MXRA5: variants seen among roughly 807,000 people sequenced by gnomAD.
MXRA5 encodes the protein matrix-remodeling-associated protein 5.
A neutral mutation model predicts 112.5 loss-of-function variants in MXRA5; 41 were observed. That is an observed-to-expected ratio of 0.36 (90% confidence interval 0.28 to 0.47). The LOEUF (loss-of-function observed/expected upper bound fraction) is 0.47, where lower values mean the gene tolerates loss of function less well. MXRA5 is among the 20% of genes least tolerant of loss of function. The pLI is 0.99. For missense variants in MXRA5, 2,150 were observed against 2,251.0 expected, an observed-to-expected ratio of 0.96 and a Z score of 0.91; for synonymous variants, 862 against 900.8, an observed-to-expected ratio of 0.96 and a Z score of 0.77.
At chrX:3,336,427 C>A (rs1388995199) in intron 2 of MXRA5, among the ~76,000 whole-genome samples, 1 of 111,794 alleles carries the variant, frequency 8.9e-6, no homozygotes, top group African/African-American at 3.3e-5. Context: ...TCCCTGGTGC[C>A]AAAAAGGCTG....
chrX:3,313,057 G>A (rs1397272792), intron 6 of MXRA5, among the ~76,000 whole-genome samples: 1 of 111,850 alleles, frequency 8.9e-6, no homozygotes, highest in Non-Finnish European at 1.9e-5. Context: ...AACAGGTGTG[G>A]GACAGGCAAG....
chrX:3,325,847 A>AATAATTTATAATTATAATTTATAATT (rs1555945442), intron 4 of MXRA5, among the ~76,000 whole-genome samples: 1 of 58,938 alleles, frequency 1.7e-5, no homozygotes, highest in Non-Finnish European at 3.0e-5. Flanking sequence ...TTTATTCATA[A>AATAATTTATAATTATAATTTATAATT]ATAATTTATA....
chrX:3,330,633 C>T lies in MXRA5; in HGVS notation c.318+11G>A, dbSNP rs755505780. On this transcript the variant is annotated intron_variant, in intron 3 of 6. Transcript: ENST00000217939. ...GCAATTTAGTGACGCTTATAAATGC[C>T]GTGGGTTTACCTGAAGAGAGCTGAG... 32 of 1,201,553 alleles carry T rather than the reference C, an allele frequency of 2.7e-5. No homozygotes were observed. Among genetic ancestry groups the T allele is most frequent in the South Asian group, 9.1e-5 (5 of 54,864 alleles).
intron 4 of MXRA5, among the ~76,000 whole-genome samples, chrX:3,326,032 T>TAG (rs1377613619): frequency 0.023 from 1,750 of 76,042 alleles, 106 homozygotes; most frequent in African/African-American, 0.094. Context: ...ATTTTATATA[T>TAG]AAATTTATAT....
chrX:3,317,174 G>T lies in MXRA5; in HGVS notation c.6507C>A (p.Ser2169Arg). ...RYGGTLKLDCSASGDPWPRIL... is the reference protein window; with the variant it reads ...RYGGTLKLDCRASGDPWPRIL... ...TGCGCGGCCAGGGGTCCCCCGAGGC[G>T]CTGCAGTCCAGCTTGAGGGTTCCTC... Residue 2169 changes from serine (S) to arginine (R), a missense_variant, in exon 6 of 7, where the codon AGC becomes AGA. Physicochemically the swap from Ser to Arg is moderately radical, Grantham distance 110. This residue lies in a region of MXRA5 where 1,485 missense variants were observed against 1,471.6 expected (regional missense o/e 1.01). Transcript: ENST00000217939. 8.3e-7 allele frequency: 1 copy of T among 1,207,791 alleles called. No individual in the cohort carries two copies.
In MXRA5 at chrX:3,310,098, G is replaced by A. The variant is rs1479606190; in HGVS notation, c.8105C>T (p.Ser2702Leu). 4 of 1,209,349 alleles carry A rather than the reference G, an allele frequency of 3.3e-6. No individual in the cohort carries two copies. Among genetic ancestry groups the A allele is most frequent in the East Asian group, 3.0e-5 (1 of 33,713 alleles). The change falls in exon 7 of 7, where the codon TCG becomes TTG. Residue 2702 changes from serine to leucine, a missense_variant. This residue lies in a region of MXRA5 where 178 missense variants were observed against 198.2 expected (regional missense o/e 0.90). Transcript: ENST00000217939. ...DNGTLTVREASVFDRGTYVCR... is the reference protein window; with the variant it reads ...DNGTLTVREALVFDRGTYVCR... Reference sequence around the variant, plus strand: ...TACATAGGTACCCCTGTCAAACACCGAGGCCTCACGAACCGTGAGGGTGCC... The same window carrying A: ...TACATAGGTACCCCTGTCAAACACCAAGGCCTCACGAACCGTGAGGGTGCC...
At chrX:3,333,302 C>CAAAAAAAAAAAAAAA (rs386416494) in intron 2 of MXRA5, among the ~76,000 whole-genome samples, 13 of 14,812 alleles carry the variant, frequency 8.8e-4, no homozygotes, top group Non-Finnish European at 1.0e-3. Context: ...TACCCCATAT[C>CAAAAAAAAAAAAAAA]AAAAAAAAAA....
chrX:3,319,938 G>A, intron 5 of MXRA5, 70 bp downstream of exon 5: 1 of 814,794 alleles, frequency 1.2e-6, no homozygotes, highest in South Asian at 2.7e-5. Context: ...CTGTTTTAAT[G>A]TATTATATTG....
At position 3,324,865 on chromosome X, in the gene MXRA5, T is replaced by C. The variant is rs111869163; in HGVS notation, c.820A>G (p.Thr274Ala). Residue 274 changes from threonine (T) to alanine (A), a missense_variant, in exon 5 of 7, where the codon ACT (threonine) becomes GCT (alanine). Thr to Ala is a moderately conservative substitution (Grantham distance 58). Coordinates refer to ENST00000217939, the MANE Select transcript of MXRA5 (RefSeq NM_015419.4). Reference sequence around the variant, plus strand: ...GACTCTATTGAAGGCTTCAGACAAGTCATGTCCTTCAGCTTGTGTATCTCA... The same window carrying C: ...GACTCTATTGAAGGCTTCAGACAAGCCATGTCCTTCAGCTTGTGTATCTCA... ...KHEIHKLKDM[T>A]CLKPSIESPL... 3.8e-5 allele frequency: 46 copies of C among 1,210,171 alleles called. 1 individual carries two copies. The African/African-American group carries it at 4.2e-4, about 11-fold the overall frequency.
intron 6 of MXRA5, among the ~76,000 whole-genome samples, chrX:3,312,560 C>CT (rs773869772): frequency 0.099 from 9,020 of 91,008 alleles, 1,208 homozygotes; most frequent in African/African-American, 0.33. Context: ...ACCACACTTT[C>CT]TTTTTTTTTT....
intron 1 of MXRA5, 108 bp downstream of exon 1, chrX:3,346,407 C>T: frequency 2.3e-6 from 1 of 440,429 alleles, no homozygotes; most frequent in Non-Finnish European, 2.8e-6. Flanking sequence ...AATCTGCCTG[C>T]ATGCAGGCCC....
rs748527019 is a variant in MXRA5 at position 3,324,301 on chromosome X, T to A, written c.1384A>T (p.Thr462Ser). ...LLSYYTQYSQ[T>S]ISTKDTRQAR... ...TGCCTTGTATCTTTGGTGGATATTG[T>A]TTGAGAATACTGGGTGTAGTAGGAA... The change falls in exon 5 of 7, where the codon ACA becomes TCA. Residue 462 changes from threonine (T) to serine (S), a missense_variant. Thr to Ser is a moderately conservative substitution (Grantham distance 58). This residue lies in a region of MXRA5 where 386 missense variants were observed against 411.0 expected (regional missense o/e 0.94). Coordinates refer to ENST00000217939, the MANE Select transcript of MXRA5 (RefSeq NM_015419.4). The A allele has an allele frequency of 8.3e-7, 1 of 1,209,834 alleles. No homozygotes were observed. Among genetic ancestry groups the A allele is most frequent in the African/African-American group, 1.7e-5 (1 of 57,174 alleles).
At chrX:3,337,655 T>C (rs1414742546) in intron 2 of MXRA5, among the ~76,000 whole-genome samples, 1 of 112,103 alleles carries the variant, frequency 8.9e-6, no homozygotes, top group Non-Finnish European at 1.9e-5. Flanking sequence ...AAAACAGCAA[T>C]GTTGGCCACT....
In MXRA5 at chrX:3,323,029, C is replaced by T. The variant is rs1921354433; in HGVS notation, c.2656G>A (p.Glu886Lys). 8.3e-7 allele frequency: 1 copy of T among 1,209,780 alleles called. No individual in the cohort carries two copies. The highest frequency in any genetic ancestry group is 1.8e-5 in the African/African-American group (1 of 57,098). Reference protein sequence around the residue: ...EPEVTSTPLEEVVDDLSEKTE... With the variant: ...EPEVTSTPLEKVVDDLSEKTE... ...TTCTCGGAAAGGTCATCAACAACTTCCTCCAGAGGTGTGCTTGTTACTTCA... is the reference window on the plus strand; with the variant it reads ...TTCTCGGAAAGGTCATCAACAACTTTCTCCAGAGGTGTGCTTGTTACTTCA... Residue 886 changes from glutamate to lysine, a missense_variant, in exon 5 of 7, where the codon GAA (glutamate) becomes AAA (lysine). Glu to Lys is a moderately conservative substitution (Grantham distance 56). Around this residue, in one of 6 missense-constraint regions of MXRA5, gnomAD observed 1,485 missense variants for 1,471.6 expected, o/e 1.01. Transcript: ENST00000217939.
In MXRA5 at chrX:3,323,401, G is replaced by T; in HGVS notation, c.2284C>A (p.Arg762Ser). ...KEPETNVAEG[R>S]RVFESRRRIN... ...CTTCGTCTAGATTCAAACACTCTGC[G>T]ACCTTCTGCAACATTGGTCTCTGGT... The change falls in exon 5 of 7, where the codon CGC (arginine) becomes AGC (serine). Residue 762 changes from arginine to serine, a missense_variant. This residue lies in a region of MXRA5 where 1,485 missense variants were observed against 1,471.6 expected (regional missense o/e 1.01). Coordinates refer to ENST00000217939, the MANE Select transcript of MXRA5 (RefSeq NM_015419.4). 8.3e-7 allele frequency: 1 copy of T among 1,211,649 alleles called. No homozygotes were observed. Among genetic ancestry groups the T allele is most frequent in the Non-Finnish European group, 1.1e-6 (1 of 895,518 alleles).
Position 3,321,523 on chromosome X carries a change from G to T in MXRA5, c.4162C>A (p.Pro1388Thr), listed in dbSNP as rs530354790. ...GGTATGCCTGTCTGTAGCCTCCCAG[G>T]CTGGGCCGTCCTTGAGGGATTCCAG... is the stretch of plus-strand genomic sequence containing the variant. The part of the protein sequence containing the change: ...PTWNPSRTAQ[P>T]GRLQTGIPVT... Residue 1388 changes from proline to threonine, a missense_variant, in exon 5 of 7, where the codon CCT becomes ACT. Physicochemically the swap from Pro to Thr is conservative, Grantham distance 38 (BLOSUM62 -1). Transcript: ENST00000217939. 139 of 1,208,601 alleles carry T rather than the reference G, an allele frequency of 1.2e-4. No homozygotes were observed. Among genetic ancestry groups the T allele is most frequent in the Non-Finnish European group, 1.5e-4 (136 of 894,562 alleles).
At chrX:3,328,498 A>C (rs1316468742) in intron 4 of MXRA5, among the ~76,000 whole-genome samples, 1 of 111,433 alleles carries the variant, frequency 9.0e-6, no homozygotes, top group African/African-American at 3.3e-5. Context: ...AGTTACGCAG[A>C]GGTGTGGCCT....
In MXRA5 at chrX:3,322,388, T is replaced by C; in HGVS notation, c.3297A>G (p.Thr1099=). 8.3e-7 allele frequency: 1 copy of C among 1,211,655 alleles called. No individual in the cohort carries two copies. Among genetic ancestry groups the C allele is most frequent in the Non-Finnish European group, 1.1e-6 (1 of 895,479 alleles). Reference sequence around the variant, plus strand: ...GAGACATACTGCTCATTATACCCAGTGTGGAGTCAGGCAAAGTGATGGATT... The same window carrying C: ...GAGACATACTGCTCATTATACCCAGCGTGGAGTCAGGCAAAGTGATGGATT... ...ESKSITLPDS[T]LGIMSSMSPV... The change falls in exon 5 of 7, where the codon ACA becomes ACG. Residue 1099 remains threonine (T), a synonymous_variant. Coordinates refer to ENST00000217939, the MANE Select transcript of MXRA5 (RefSeq NM_015419.4).
Position 3,323,313 on chromosome X carries a change from C to T in MXRA5, c.2372G>A (p.Arg791His), listed in dbSNP as rs41297261. The change falls in exon 5 of 7, where the codon CGT (arginine) becomes CAT (histidine). Residue 791 changes from arginine (R) to histidine (H), a missense_variant. Coordinates refer to ENST00000217939, the MANE Select transcript of MXRA5 (RefSeq NM_015419.4). ...TGTGCCCTTAGGGAGATTTTTCCCACGGACTTTGGCTAAAATATCAGCCCA... is the reference window on the plus strand; with the variant it reads ...TGTGCCCTTAGGGAGATTTTTCCCATGGACTTTGGCTAAAATATCAGCCCA... ...ERWADILAKV[R>H]GKNLPKGTEV... The T allele has an allele frequency of 3.3e-5, 40 of 1,209,738 alleles. No individual in the cohort carries two copies. Among genetic ancestry groups the T allele is most frequent in the Admixed American group, 6.6e-5 (3 of 45,677 alleles).
Sources: allele counts gnomAD v4.1 joint callset (sites outside exome capture counted in the v4.1 genomes callset), GRCh38; gene constraint gnomAD v4.1.1; regional missense constraint gnomAD v4.1.1; transcripts MANE v1.5; gene names NCBI Gene and HGNC (gene_info 2026-07-23, HGNC 2026-07-21).